Variants in RMND1 observed in about 807,000 individuals in gnomAD.
RMND1 encodes required for meiotic nuclear division 1 homolog, also known as required for meiotic nuclear division protein 1 homolog.
Under a neutral mutation model 54.0 loss-of-function variants are expected in RMND1, and 41 were observed. That is an observed-to-expected ratio of 0.76 (90% CI 0.59 to 0.98). The LOEUF (loss-of-function observed/expected upper bound fraction) is 0.98. RMND1 is among the 50% of genes least tolerant of loss of function. RMND1 has a pLI of 0.00. For synonymous variants in RMND1, 183 were observed against 181.7 expected, an observed-to-expected ratio of 1.01 and a Z score of -0.06; for missense variants, 457 against 532.0, an observed-to-expected ratio of 0.86 and a Z score of 1.39.
rs71014585 is a variant in RMND1 at position 151,449,060 on chromosome 6, C to CAAAAAAAAAAAAA, written c.-15+2943_-15+2955dup. On this transcript the variant is annotated intron_variant, in intron 1 of 11. Transcript: ENST00000444024. ...TGAGCAACAAAGCGAGACTCTGTCTCAAAAAAAAAAAAAAAAAAAAAAAAA... is the reference window on the plus strand; with the variant it reads ...TGAGCAACAAAGCGAGACTCTGTCTCAAAAAAAAAAAAAAAAAAAAAAAAAAAAAAAAAAAAAA... Among the ~76,000 whole-genome samples the CAAAAAAAAAAAAA allele has an allele frequency of 3.2e-4, 6 of 18,678 alleles. 1 individual carries two copies. Among genetic ancestry groups the CAAAAAAAAAAAAA allele is most frequent in the African/African-American group, 1.5e-3 (6 of 4,020 alleles). 12.3% of individuals were successfully genotyped at this position (18,678 alleles called of 152,430 possible). A position where few individuals can be genotyped will look rare whatever the true frequency, so the allele number is the denominator to read the frequency against.
intron 10 of RMND1, among the ~76,000 whole-genome samples, chr6:151,409,392 G>A (rs1289208785): frequency 6.6e-6 from 1 of 152,190 alleles, no homozygotes; most frequent in Non-Finnish European, 1.5e-5. Flanking sequence ...TGACTTTTAA[G>A]TTTCTGGTTG....
At position 151,416,347 on chromosome 6, in the gene RMND1, G is replaced by A. The variant is rs1345362981; in HGVS notation, c.1200+932C>T. 2.6e-5 allele frequency among the ~76,000 whole-genome samples: 4 copies of A among 151,436 alleles called. No homozygotes were observed. The East Asian group carries it at 7.8e-4, about 29-fold the overall frequency. ...GTGGCAAAATGTCACAGAACTATGT[G>A]CACACATTGTACTAATGTCAATTTT... On this transcript the variant is annotated intron_variant, in intron 10 of 11. Coordinates refer to ENST00000444024, the MANE Select transcript of RMND1 (RefSeq NM_017909.4).
At chr6:151,412,071 C>T (rs1322424146) in intron 10 of RMND1, among the ~76,000 whole-genome samples, 1 of 152,156 alleles carries the variant, frequency 6.6e-6, no homozygotes, top group Non-Finnish European at 1.5e-5. Flanking sequence ...CTGATCTTGG[C>T]TCACTGCAAC....
rs868765765 is a variant in RMND1 at position 151,422,925 on chromosome 6, C to T, written c.938-320G>A. Among the ~76,000 whole-genome samples the T allele has an allele frequency of 3.9e-5, 6 of 152,150 alleles. No individual in the cohort carries two copies. The East Asian group carries it at 5.8e-4, about 15-fold the overall frequency. Reference sequence around the variant, plus strand: ...ACCATGGGTAGCTCTGCAGATAGGGCGCGACTAAGACTTTCCTGGCCTCCC... The same window carrying T: ...ACCATGGGTAGCTCTGCAGATAGGGTGCGACTAAGACTTTCCTGGCCTCCC... On this transcript the variant is annotated intron_variant, in intron 7 of 11. Transcript: ENST00000444024.
At position 151,405,054 on chromosome 6, in the gene RMND1, A is replaced by G; in HGVS notation, c.*181T>C. 1.8e-6 allele frequency: 1 copy of G among 540,650 alleles called. No homozygotes were observed. The highest frequency in any genetic ancestry group is 3.3e-6 in the Non-Finnish European group (1 of 305,618). The allele number at this position is 540,650 out of a possible 1,614,324, so 33.5% of individuals were successfully genotyped here. ...TGGCTAATTTTGGTATTTTTAGTAG[A>G]GATGGGGTTTCACCATGTTGGCCAG... On this transcript the variant is annotated 3_prime_UTR_variant, in exon 12 of 12. Coordinates refer to ENST00000444024, the MANE Select transcript of RMND1 (RefSeq NM_017909.4).
chr6:151,414,534 TCAA>T (rs1392972560), intron 10 of RMND1, among the ~76,000 whole-genome samples: 2 of 152,078 alleles, frequency 1.3e-5, no homozygotes, highest in Non-Finnish European at 2.9e-5. Flanking sequence ...TAAAAATGAT[TCAA>T]CAAGCAATTC....
chr6:151,450,564 T>C (rs1451904054), intron 1 of RMND1, among the ~76,000 whole-genome samples: 1 of 138,328 alleles, frequency 7.2e-6, no homozygotes, highest in African/African-American at 2.8e-5. Context: ...AGCCGCCCCG[T>C]CCGGGAGGGA....
At chr6:151,444,735 T>C (rs1202538657) in intron 2 of RMND1, 1 of 152,386 alleles carries the variant, frequency 6.6e-6, no homozygotes, top group African/African-American at 2.4e-5. Context: ...CCTTAAGTTG[T>C]TACTGAAGGA....
intron 2 of RMND1, among the ~76,000 whole-genome samples, chr6:151,442,333 A>G (rs1780804368): frequency 6.6e-6 from 1 of 152,116 alleles, no homozygotes; most frequent in Non-Finnish European, 1.5e-5. Flanking sequence ...TATCATGAGC[A>G]ATGTATTCTG....
Position 151,432,085 on chromosome 6 carries a change from TCCA to T in RMND1, c.689+1067_689+1069del, listed in dbSNP as rs200073073. Among the ~76,000 whole-genome samples, 1,207 of 151,980 alleles carry T rather than the reference TCCA, an allele frequency of 7.9e-3. 13 individuals carry two copies. The highest frequency in any genetic ancestry group is 0.025 in the African/African-American group (1,016 of 41,468). Reference sequence around the variant, plus strand: ...TGAGTAGCTGGGATTACAGGCACCCTCCACCATGTGCCTGGCTAATTTTTTGTA... The same window carrying T: ...TGAGTAGCTGGGATTACAGGCACCCTCCATGTGCCTGGCTAATTTTTTGTA... On this transcript the variant is annotated intron_variant, in intron 4 of 11. Coordinates refer to ENST00000444024, the MANE Select transcript of RMND1 (RefSeq NM_017909.4).
intron 2 of RMND1, among the ~76,000 whole-genome samples, chr6:151,437,562 C>CTTTA (rs1780648180): frequency 6.6e-6 from 1 of 152,192 alleles, no homozygotes; most frequent in South Asian, 2.1e-4. Context: ...GTGCTCAGGA[C>CTTTA]TGTGGCTAAC....
intron 10 of RMND1, among the ~76,000 whole-genome samples, chr6:151,406,423 C>T (rs563161720): frequency 4.5e-4 from 68 of 152,104 alleles, no homozygotes; most frequent in African/African-American, 1.4e-3. Context: ...AGTGTAATGG[C>T]GGATCTCGGC....
chr6:151,427,614 T>C lies in RMND1; in HGVS notation c.730-32A>G, dbSNP rs368364499. On this transcript the variant is annotated intron_variant, in intron 5 of 11. Transcript: ENST00000444024. ...GAAAAGGAAGATTAATCTGAAATCA[T>C]AACTGACTCCCTCAGTTCAAGTATG... 3.0e-6 allele frequency: 4 copies of C among 1,344,976 alleles called. No homozygotes were observed. The African/African-American group carries it at 5.7e-5, about 19-fold the overall frequency. The allele number at this position is 1,344,976 out of a possible 1,614,324, so 83.3% of individuals were successfully genotyped here.
intron 3 of RMND1, among the ~76,000 whole-genome samples, chr6:151,435,722 C>G (rs1780583545): frequency 6.6e-6 from 1 of 151,388 alleles, no homozygotes; most frequent in African/African-American, 2.4e-5. Context: ...ACCCGGCTAA[C>G]TAATTGTTTT....
intron 6 of RMND1, 80 bp from the exon 7 acceptor site, chr6:151,423,711 C>G: frequency 1.1e-6 from 1 of 928,948 alleles, no homozygotes; most frequent in Non-Finnish European, 1.8e-6. Context: ...ACCATATCAT[C>G]TTTCTGGAGG....
At chr6:151,432,227 G>A (rs867107525) in intron 4 of RMND1, among the ~76,000 whole-genome samples, 1 of 151,968 alleles carries the variant, frequency 6.6e-6, no homozygotes, top group African/African-American at 2.4e-5. Flanking sequence ...ATAAGCCACC[G>A]TGCCCAGCCG....
chr6:151,447,114 G>A (rs933497374), intron 1 of RMND1, among the ~76,000 whole-genome samples: 1 of 152,056 alleles, frequency 6.6e-6, no homozygotes, highest in African/African-American at 2.4e-5. Context: ...TCTTGAAAGG[G>A]CAGAAGGATC....
At chr6:151,417,517 G>T (rs758220353) in intron 9 of RMND1, 118 bp from the exon 10 acceptor site, 4 of 732,612 alleles carry the variant, frequency 5.5e-6, no homozygotes. Context: ...TAAGAGAGAG[G>T]GTCTTGCTAT....
intron 1 of RMND1, among the ~76,000 whole-genome samples, chr6:151,449,223 G>A (rs1407181773): frequency 1.3e-5 from 2 of 151,988 alleles, no homozygotes; most frequent in Admixed American, 6.5e-5. Flanking sequence ...AAAAAAATTA[G>A]CTGAGCGTGG....
Sources: allele counts gnomAD v4.1 joint callset (sites outside exome capture counted in the v4.1 genomes callset), GRCh38; gene constraint gnomAD v4.1.1; transcripts MANE v1.5; gene names NCBI Gene and HGNC (gene_info 2026-07-23, HGNC 2026-07-21).